The following RNF130 variants were observed in gnomAD, a reference collection of about 807,000 sequenced individuals.
RNF130 encodes the protein ring finger protein 130.
Under a neutral mutation model 44.6 loss-of-function variants are expected in RNF130, and 21 were observed. The observed-to-expected ratio is 0.47, with a 90% CI of 0.33 to 0.68. The LOEUF (loss-of-function observed/expected upper bound fraction) is 0.68. Among genes scored for constraint, RNF130 ranks in the 30% least tolerant of loss-of-function variants. The pLI is 0.02. For missense variants in RNF130, 479 were observed against 560.6 expected (o/e 0.85, Z 1.47); for synonymous variants, 214 against 210.4 (o/e 1.02, Z -0.15).
At chr5:180,018,222 G>A (rs2113098131) in intron 2 of RNF130, among the ~76,000 whole-genome samples, 1 of 151,990 alleles carries the variant, frequency 6.6e-6, no homozygotes, top group African/African-American at 2.4e-5. Context: ...TTGAACAAGG[G>A]TGGTGGAGGT....
At chr5:179,960,083 G>A (rs1762293927) in intron 8 of RNF130, among the ~76,000 whole-genome samples, 1 of 151,988 alleles carries the variant, frequency 6.6e-6, no homozygotes, top group African/African-American at 2.4e-5. Flanking sequence ...TTCTTATTTT[G>A]AGGGAAAACT....
chr5:179,938,556 CA>C (rs1761930562), intron 7 of RNF130, among the ~76,000 whole-genome samples: 1 of 152,114 alleles, frequency 6.6e-6, no homozygotes, highest in South Asian at 2.1e-4. Flanking sequence ...CATTTATTTT[CA>C]CCAAACACAT....
intron 1 of RNF130, 138 bp downstream of exon 1, chr5:180,071,317 CG>C: frequency 1.2e-6 from 1 of 802,606 alleles, no homozygotes; most frequent in Non-Finnish European, 1.7e-6. Context: ...CTGTCCACGA[CG>C]GAAGCCTCGA....
At chr5:179,978,343 G>A in intron 4 of RNF130, 58 bp from the exon 5 acceptor site, 1 of 1,124,372 alleles carries the variant, frequency 8.9e-7, no homozygotes, top group Non-Finnish European at 1.4e-6. Flanking sequence ...AAATGGTTGG[G>A]ATGCAATTCA....
At chr5:179,995,971 C>T (rs931958148) in intron 3 of RNF130, among the ~76,000 whole-genome samples, 2 of 152,180 alleles carry the variant, frequency 1.3e-5, no homozygotes, top group Admixed American at 6.5e-5. Context: ...AAAACCCATA[C>T]AAAGATTGTG....
At chr5:179,959,604 G>A (rs1216347672) in intron 8 of RNF130, among the ~76,000 whole-genome samples, 1 of 151,130 alleles carries the variant, frequency 6.6e-6, no homozygotes. Flanking sequence ...TCCAGTCTGG[G>A]TAACAGAGCG....
chr5:179,979,875 C>T (rs1428660820), intron 4 of RNF130, among the ~76,000 whole-genome samples: 1 of 152,142 alleles, frequency 6.6e-6, no homozygotes, highest in Non-Finnish European at 1.5e-5. Flanking sequence ...AACACATCTC[C>T]TGGCTTTTTA....
At chr5:179,947,262 C>A (rs967533147) in intron 7 of RNF130, among the ~76,000 whole-genome samples, 1 of 152,152 alleles carries the variant, frequency 6.6e-6, no homozygotes, top group Admixed American at 6.5e-5. Context: ...ATTCAGATGC[C>A]ACCTTCCAAA....
chr5:180,023,267 G>A lies in RNF130; in HGVS notation c.443-9956C>T, dbSNP rs181557596. 9.9e-5 allele frequency among the ~76,000 whole-genome samples: 15 copies of A among 152,270 alleles called. No individual in the cohort carries two copies. In the East Asian group the frequency reaches 1.5e-3, roughly 16 times the overall value. On this transcript the variant is annotated intron_variant, in intron 2 of 8. Coordinates refer to ENST00000521389, the MANE Select transcript of RNF130 (RefSeq NM_018434.6). ...TAGATATGCAGGAGTTAGGATACACGCATGTATTTCCTTGTTCTGTCAGCT... is the reference window on the plus strand; with the variant it reads ...TAGATATGCAGGAGTTAGGATACACACATGTATTTCCTTGTTCTGTCAGCT...
At chr5:179,974,882 C>T (rs1191165929) in intron 5 of RNF130, among the ~76,000 whole-genome samples, 1 of 152,224 alleles carries the variant, frequency 6.6e-6, no homozygotes, top group Non-Finnish European at 1.5e-5. Flanking sequence ...ACGGCCTCTC[C>T]GGCCTGCGCA....
At chr5:179,981,328 G>A (rs773518582) in intron 3 of RNF130, among the ~76,000 whole-genome samples, 3 of 152,182 alleles carry the variant, frequency 2.0e-5, no homozygotes, top group Non-Finnish European at 4.4e-5. Context: ...GACACATCCA[G>A]GCCTTACACT....
At chr5:180,066,217 T>G (rs1765104150) in intron 1 of RNF130, among the ~76,000 whole-genome samples, 1 of 152,210 alleles carries the variant, frequency 6.6e-6, no homozygotes, top group Non-Finnish European at 1.5e-5. Context: ...CCCCATACTA[T>G]TCTCGTGATA....
intron 1 of RNF130, among the ~76,000 whole-genome samples, chr5:180,052,016 T>G (rs1031743129): frequency 6.6e-6 from 1 of 152,222 alleles, no homozygotes; most frequent in African/African-American, 2.4e-5. Flanking sequence ...GGAATTACAG[T>G]ACTGAGTACA....
chr5:180,036,605 T>G (rs886274357), intron 2 of RNF130, among the ~76,000 whole-genome samples: 7 of 152,374 alleles, frequency 4.6e-5, no homozygotes, highest in Middle Eastern at 3.4e-3. Flanking sequence ...TTCATTAATA[T>G]CCAGAACACT....
intron 7 of RNF130, among the ~76,000 whole-genome samples, chr5:179,966,601 C>T (rs927974577): frequency 6.6e-6 from 1 of 152,226 alleles, no homozygotes; most frequent in Non-Finnish European, 1.5e-5. Flanking sequence ...TGCAGCTATT[C>T]CTATTAATTA....
At chr5:179,920,955 T>C (rs1170982281) in intron 7 of RNF130, among the ~76,000 whole-genome samples, 1 of 152,022 alleles carries the variant, frequency 6.6e-6, no homozygotes, top group Non-Finnish European at 1.5e-5. Flanking sequence ...GATGAGGATT[T>C]TCTCCTAACC....
intron 1 of RNF130, among the ~76,000 whole-genome samples, chr5:180,067,910 A>C (rs1765143915): frequency 6.6e-6 from 1 of 152,240 alleles, no homozygotes; most frequent in South Asian, 2.1e-4. Flanking sequence ...AGATTCATTA[A>C]AGGAACCATT....
intron 1 of RNF130, among the ~76,000 whole-genome samples, chr5:180,061,396 T>C (rs1340468398): frequency 6.6e-6 from 1 of 152,184 alleles, no homozygotes. Context: ...GGATTCTCTT[T>C]GTATTAGTTT....
At chr5:179,961,102 GCTTA>G (rs540645913) in intron 8 of RNF130, among the ~76,000 whole-genome samples, 170 of 150,116 alleles carry the variant, frequency 1.1e-3, no homozygotes, top group Middle Eastern at 6.8e-3. Context: ...AGTAATTCAT[GCTTA>G]CTGTTAAAAA....
Sources: allele counts gnomAD v4.1 joint callset (sites outside exome capture counted in the v4.1 genomes callset), GRCh38; gene constraint gnomAD v4.1.1; transcripts MANE v1.5; gene names NCBI Gene and HGNC (gene_info 2026-07-23, HGNC 2026-07-21).